STPG2: variants seen among roughly 807,000 people sequenced by gnomAD.
STPG2 encodes the protein sperm-tail PG-rich repeat-containing protein 2.
In STPG2, 56 loss-of-function variants were observed where a neutral mutation model predicts 54.2. That is an observed-to-expected ratio of 1.03 (90% CI 0.83 to 1.29). STPG2 has a LOEUF of 1.29. Ranked by LOEUF, STPG2 falls within the 50% of genes most tolerant of loss-of-function variation. The probability of loss-of-function intolerance (pLI) is 0.00; values close to 1 mark genes in which losing one functional copy is unlikely to be tolerated. For missense variants in STPG2, 596 were observed against 544.9 expected (o/e 1.09, Z -0.93); for synonymous variants, 200 against 181.8 (o/e 1.10, Z -0.81).
chr4:98,005,420 A>C (rs1735548260), intron 5 of STPG2, among the ~76,000 whole-genome samples: 1 of 152,212 alleles, frequency 6.6e-6, no homozygotes, highest in Non-Finnish European at 1.5e-5. Flanking sequence ...GACTTCCAGT[A>C]CTACATTAAA....
chr4:98,016,108 A>G (rs1318016132), intron 5 of STPG2, among the ~76,000 whole-genome samples: 2 of 152,108 alleles, frequency 1.3e-5, no homozygotes, highest in Non-Finnish European at 2.9e-5. Flanking sequence ...CTTAATGTAG[A>G]TGAGGGGTTG....
chr4:97,548,636 T>A (rs1478639811), intron 4 of STPG2, among the ~76,000 whole-genome samples: 1 of 152,228 alleles, frequency 6.6e-6, no homozygotes, highest in African/African-American at 2.4e-5. Flanking sequence ...TTAAATTGAT[T>A]TAGTTCTTGA....
At chr4:98,016,280 G>T (rs1484553974) in intron 5 of STPG2, among the ~76,000 whole-genome samples, 1 of 152,108 alleles carries the variant, frequency 6.6e-6, no homozygotes, top group African/African-American at 2.4e-5. Flanking sequence ...TAGGCTATTT[G>T]AGCTTCATGG....
intron 9 of STPG2, among the ~76,000 whole-genome samples, chr4:97,739,068 A>G (rs1256523805): frequency 6.6e-6 from 1 of 152,032 alleles, no homozygotes; most frequent in Non-Finnish European, 1.5e-5. Context: ...CTCACTCAAA[A>G]CCGCTCAACT....
At chr4:97,537,639 G>T (rs946884590) in intron 4 of STPG2, among the ~76,000 whole-genome samples, 1 of 152,180 alleles carries the variant, frequency 6.6e-6, no homozygotes, top group African/African-American at 2.4e-5. Flanking sequence ...CTGAACAAAA[G>T]GCAGCAGAAA....
rs184002042 is a variant in STPG2 at position 97,915,855 on chromosome 4, G to C, written c.1044+28042C>G. ...GTTTTTGAGATGGGACATAGTCAGA[G>C]CTATGCTTCGGGAAGATCACCATGG... On this transcript the variant is annotated intron_variant, in intron 8 of 10. Coordinates refer to ENST00000295268, the MANE Select transcript of STPG2 (RefSeq NM_174952.3). Among the ~76,000 whole-genome samples the C allele has an allele frequency of 3.6e-3, 545 of 152,230 alleles. 5 individuals are homozygous for C. The highest frequency in any genetic ancestry group is 0.012 in the African/African-American group (518 of 41,540).
chr4:97,606,861 A>C (rs1733608271), intron 10 of STPG2, among the ~76,000 whole-genome samples: 1 of 152,044 alleles, frequency 6.6e-6, no homozygotes, highest in Admixed American at 6.6e-5. Flanking sequence ...GATAGTGCTA[A>C]GAGAAATGAA....
intron 4 of STPG2, among the ~76,000 whole-genome samples, chr4:97,550,002 TA>T (rs1259616221): frequency 6.6e-6 from 1 of 152,150 alleles, no homozygotes; most frequent in Non-Finnish European, 1.5e-5. Flanking sequence ...TTATTCTGAA[TA>T]AAATAATAAA....
intron 5 of STPG2, among the ~76,000 whole-genome samples, chr4:98,057,915 A>G (rs186435791): frequency 2.0e-5 from 3 of 152,242 alleles, no homozygotes; most frequent in African/African-American, 7.2e-5. Flanking sequence ...ATTGTTAAAG[A>G]AAAGTAATTC....
chr4:97,872,429 T>C (rs1399891816), intron 8 of STPG2, among the ~76,000 whole-genome samples: 1 of 151,058 alleles, frequency 6.6e-6, no homozygotes, highest in African/African-American at 2.4e-5. Flanking sequence ...GGTAGAAGGA[T>C]ACAAAATTAA....
chr4:97,461,022 C>T (rs1457447273), intron 4 of STPG2, among the ~76,000 whole-genome samples: 1 of 152,122 alleles, frequency 6.6e-6, no homozygotes, highest in Non-Finnish European at 1.5e-5. Flanking sequence ...TTTCTGATGG[C>T]CATTTCTGGG....
chr4:97,535,153 G>A (rs1409493490), intron 4 of STPG2, among the ~76,000 whole-genome samples: 1 of 152,114 alleles, frequency 6.6e-6, no homozygotes, highest in Non-Finnish European at 1.5e-5. Context: ...TACTTAGGAT[G>A]GATTGCTAGT....
At chr4:97,564,009 A>C (rs1375438513) in intron 10 of STPG2, among the ~76,000 whole-genome samples, 3 of 152,170 alleles carry the variant, frequency 2.0e-5, no homozygotes, top group Non-Finnish European at 4.4e-5. Flanking sequence ...CTGTCTGTTG[A>C]TCTGTCTAAT....
chr4:97,729,668 G>A (rs1724737621), intron 9 of STPG2, among the ~76,000 whole-genome samples: 1 of 152,106 alleles, frequency 6.6e-6, no homozygotes, highest in Admixed American at 6.6e-5. Context: ...AAGATTCAAA[G>A]CCAGGCTGCA....
Position 97,499,867 on chromosome 4 carries a change from G to A in STPG2, c.462+212832C>T, listed in dbSNP as rs554035942. On this transcript the variant is annotated intron_variant, in intron 4 of 4. Coordinates refer to the STPG2 transcript ENST00000522676. ...ACTTAGATGGGATGAGCTAGGTAGA[G>A]GTTAGTATTAAATAGAAGATGGGAT... 1.6e-3 allele frequency among the ~76,000 whole-genome samples: 245 copies of A among 152,138 alleles called. 1 individual carries two copies. The highest frequency in any genetic ancestry group is 5.7e-3 in the African/African-American group (236 of 41,550).
intron 5 of STPG2, among the ~76,000 whole-genome samples, chr4:98,055,965 C>A (rs1737467800): frequency 6.6e-6 from 1 of 152,182 alleles, no homozygotes; most frequent in Non-Finnish European, 1.5e-5. Context: ...TACAGCCATA[C>A]ACCAGCCCAC....
At chr4:98,112,966 C>T (rs1739405309) in intron 3 of STPG2, among the ~76,000 whole-genome samples, 1 of 151,244 alleles carries the variant, frequency 6.6e-6, no homozygotes, top group Admixed American at 6.6e-5. Flanking sequence ...CACAGACAAT[C>T]CTCAATGACT....
intron 10 of STPG2, among the ~76,000 whole-genome samples, chr4:97,593,458 T>C (rs1733198127): frequency 6.6e-6 from 1 of 152,176 alleles, no homozygotes; most frequent in East Asian, 1.9e-4. Context: ...CTTGCCTAGC[T>C]ATGCCACCAT....
At chr4:97,724,650 A>G (rs976540330) in intron 9 of STPG2, among the ~76,000 whole-genome samples, 5 of 152,260 alleles carry the variant, frequency 3.3e-5, no homozygotes, top group African/African-American at 9.6e-5. Context: ...ATAATCTGCA[A>G]TTTAAAGTAG....
Sources: gnomAD v4.1 joint callset for allele counts (sites outside exome capture counted in the v4.1 genomes callset) on GRCh38, gnomAD v4.1.1 for gene constraint, MANE v1.5 for transcripts, NCBI Gene and HGNC (gene_info 2026-07-23, HGNC 2026-07-21) for gene names.